The following RASGRF2 variants were observed in gnomAD, a reference collection of about 807,000 sequenced individuals.
RASGRF2 encodes Ras protein specific guanine nucleotide releasing factor 2.
In RASGRF2, 76 loss-of-function variants were observed where a neutral mutation model predicts 151.0. That is an observed-to-expected ratio of 0.50 (90% CI 0.42 to 0.61). The LOEUF (loss-of-function observed/expected upper bound fraction) is 0.61, where lower values mean the gene tolerates loss of function less well. Ranked by LOEUF, RASGRF2 falls within the 20% of genes least tolerant of loss-of-function variation. The pLI, the probability that RASGRF2 is intolerant of heterozygous loss-of-function variation, is 0.00. For missense variants in RASGRF2, 1,148 were observed against 1,564.6 expected, an observed-to-expected ratio of 0.73 and a Z score of 4.49; for synonymous variants, 504 against 566.5, an observed-to-expected ratio of 0.89 and a Z score of 1.57.
chr5:81,112,031 A>G (rs1003294643), intron 13 of RASGRF2, among the ~76,000 whole-genome samples: 6 of 152,180 alleles, frequency 3.9e-5, no homozygotes, highest in Non-Finnish European at 5.9e-5. Flanking sequence ...CTAATAAAAC[A>G]TGACTGAATT....
intron 1 of RASGRF2, among the ~76,000 whole-genome samples, chr5:80,986,697 T>C (rs1748482050): frequency 1.3e-5 from 2 of 152,240 alleles, no homozygotes; most frequent in African/African-American, 4.8e-5. Context: ...TTTGTATCTG[T>C]TAAGGTTCAT....
chr5:81,088,382 A>G (rs998881129), intron 9 of RASGRF2: 6 of 152,206 alleles, frequency 3.9e-5, no homozygotes, highest in African/African-American at 1.4e-4. Context: ...ACTTGTTTCC[A>G]AGGCACTTTA....
chr5:81,074,112 G>T (rs549379334), intron 5 of RASGRF2, among the ~76,000 whole-genome samples: 1 of 152,290 alleles, frequency 6.6e-6, no homozygotes, highest in Admixed American at 6.5e-5. Context: ...AAGAGCAAAA[G>T]CTAAGACAGG....
At chr5:81,184,604 T>A (rs1017798318) in intron 18 of RASGRF2, among the ~76,000 whole-genome samples, 2 of 152,266 alleles carry the variant, frequency 1.3e-5, no homozygotes, top group African/African-American at 4.8e-5. Context: ...CTCTGGGTAC[T>A]GTCTGAATGA....
chr5:80,986,377 T>C (rs1748472972), intron 1 of RASGRF2, among the ~76,000 whole-genome samples: 1 of 152,214 alleles, frequency 6.6e-6, no homozygotes, highest in African/African-American at 2.4e-5. Flanking sequence ...CACTGGGATA[T>C]TGTTGGTTAT....
Position 81,094,893 on chromosome 5 carries a change from T to C in RASGRF2, c.1656T>C (p.Phe552=), listed in dbSNP as rs1752502253. The change falls in exon 12 of 27, where the codon TTT becomes TTC. Residue 552 remains phenylalanine (F), a synonymous_variant. Transcript: ENST00000265080. Reference sequence around the variant, plus strand: ...GGCAAGTGTTTGGGCACCTGGATTTTAAAATAGTGGTGGAGCCTCCTGACG... The same window carrying C: ...GGCAAGTGTTTGGGCACCTGGATTTCAAAATAGTGGTGGAGCCTCCTGACG... ...GSGQVFGHLD[F]KIVVEPPDAA... The C allele has an allele frequency of 6.2e-7, 1 of 1,603,896 alleles. No individual in the cohort carries two copies.
At chr5:81,087,703 G>A (rs937553360) in intron 9 of RASGRF2, 1 of 328,504 alleles carries the variant, frequency 3.0e-6, no homozygotes, top group Non-Finnish European at 5.6e-6. Context: ...TGGGGGAGGG[G>A]AGAATGCCCC....
chr5:81,156,203 A>G lies in RASGRF2; in HGVS notation c.2687-23972A>G, dbSNP rs567758360. Among the ~76,000 whole-genome samples, 19 of 152,340 alleles carry G rather than the reference A, an allele frequency of 1.2e-4. No homozygotes were observed. The South Asian group carries it at 3.5e-3, about 28-fold the overall frequency. Reference sequence around the variant, plus strand: ...TGGATTAGTAATTAAAATTTTTCCCAAAAGAAAACCTCAGACCTAGATGGG... The same window carrying G: ...TGGATTAGTAATTAAAATTTTTCCCGAAAGAAAACCTCAGACCTAGATGGG... On this transcript the variant is annotated intron_variant, in intron 17 of 26. Coordinates refer to ENST00000265080, the MANE Select transcript of RASGRF2 (RefSeq NM_006909.3).
At chr5:81,223,907 T>A (rs1755916255) in intron 26 of RASGRF2, among the ~76,000 whole-genome samples, 1 of 152,202 alleles carries the variant, frequency 6.6e-6, no homozygotes, top group Admixed American at 6.5e-5. Flanking sequence ...AAATAAAGGA[T>A]AAAATATTCA....
chr5:81,135,281 G>A (rs1753726774), intron 17 of RASGRF2, among the ~76,000 whole-genome samples: 1 of 152,136 alleles, frequency 6.6e-6, no homozygotes, highest in Non-Finnish European at 1.5e-5. Context: ...CCCAGCCTGG[G>A]CGACAGAGCA....
intron 1 of RASGRF2, among the ~76,000 whole-genome samples, chr5:80,969,605 C>T (rs566842833): frequency 3.9e-4 from 58 of 150,138 alleles, no homozygotes; most frequent in African/African-American, 5.7e-4. Context: ...CCCGCCACCA[C>T]GCCCGGCTAA....
chr5:80,999,725 C>T (rs902012296), intron 1 of RASGRF2, among the ~76,000 whole-genome samples: 3 of 152,146 alleles, frequency 2.0e-5, no homozygotes, highest in Middle Eastern at 3.2e-3. Context: ...TCCATGACAT[C>T]TGCCTCAGTT....
intron 1 of RASGRF2, among the ~76,000 whole-genome samples, chr5:80,978,554 A>AG (rs1748199426): frequency 6.6e-6 from 1 of 152,204 alleles, no homozygotes; most frequent in Non-Finnish European, 1.5e-5. Flanking sequence ...TGGGAGGCTG[A>AG]GGTGGGCAGA....
At chr5:80,962,084 G>T (rs561203726) in intron 1 of RASGRF2, among the ~76,000 whole-genome samples, 1 of 152,302 alleles carries the variant, frequency 6.6e-6, no homozygotes, top group African/African-American at 2.4e-5. Flanking sequence ...GGAGTGATCC[G>T]TAAGATGCCT....
At chr5:80,984,326 T>TA (rs908842516) in intron 1 of RASGRF2, among the ~76,000 whole-genome samples, 1 of 152,228 alleles carries the variant, frequency 6.6e-6, no homozygotes, top group African/African-American at 2.4e-5. Flanking sequence ...GTGCTGGGAT[T>TA]ATAGGCATGA....
In RASGRF2 at chr5:81,201,077, G is replaced by A. The variant is rs566878339; in HGVS notation, c.2794-253G>A. On this transcript the variant is annotated intron_variant, in intron 18 of 26. Transcript: ENST00000265080. ...TTCCCAATGGCTGTTCCTAGAGGCA[G>A]TTGTTCTCAACACTGACTGCACATT... Among the ~76,000 whole-genome samples, 4 of 152,218 alleles carry A rather than the reference G, an allele frequency of 2.6e-5. No individual in the cohort carries two copies. In the South Asian group the frequency reaches 8.3e-4, roughly 32 times the overall value.
chr5:81,091,677 T>C (rs1336903469), intron 9 of RASGRF2, among the ~76,000 whole-genome samples: 1 of 152,146 alleles, frequency 6.6e-6, no homozygotes, highest in Non-Finnish European at 1.5e-5. Context: ...CCAACTTACA[T>C]ATATATATTA....
chr5:80,980,617 G>A (rs1748267053), intron 1 of RASGRF2, among the ~76,000 whole-genome samples: 1 of 151,984 alleles, frequency 6.6e-6, no homozygotes, highest in Non-Finnish European at 1.5e-5. Context: ...ACTCTAGCCT[G>A]GGCGACTGAG....
chr5:81,041,574 G>A (rs985878344), intron 1 of RASGRF2, among the ~76,000 whole-genome samples: 1 of 152,170 alleles, frequency 6.6e-6, no homozygotes, highest in Non-Finnish European at 1.5e-5. Context: ...TTGTTGTAAA[G>A]TTCCCCATTC....
Sources: gnomAD v4.1 joint callset for allele counts (sites outside exome capture counted in the v4.1 genomes callset) on GRCh38, gnomAD v4.1.1 for gene constraint, MANE v1.5 for transcripts, NCBI Gene and HGNC (gene_info 2026-07-23, HGNC 2026-07-21) for gene names.